ROBO2: variants seen among roughly 807,000 people sequenced by gnomAD.
ROBO2 encodes the protein roundabout homolog 2.
In ROBO2, 53 loss-of-function variants were observed where a neutral mutation model predicts 160.8. The ratio of observed to expected loss-of-function variants is 0.33; its 90% CI spans 0.26 to 0.41. The LOEUF (loss-of-function observed/expected upper bound fraction) is 0.41. Ranked by LOEUF, ROBO2 falls within the 10% of genes least tolerant of loss-of-function variation. The pLI is 1.00. For synonymous variants in ROBO2, 664 were observed against 611.7 expected (o/e 1.09, Z -1.26); for missense variants, 1,577 against 1,722.4 (o/e 0.92, Z 1.49).
chr3:75,930,011 AG>A (rs1221154292), intron 1 of ROBO2, among the ~76,000 whole-genome samples: 1 of 152,146 alleles, frequency 6.6e-6, no homozygotes, highest in Non-Finnish European at 1.5e-5. Context: ...CATTTATTTA[AG>A]GCTTTAGATC....
chr3:76,761,386 G>A (rs538951588), intron 2 of ROBO2, among the ~76,000 whole-genome samples: 3 of 151,732 alleles, frequency 2.0e-5, no homozygotes, highest in East Asian at 2.0e-4. Context: ...GTTTGCCTGC[G>A]AGAGTCCCAG....
chr3:77,026,592 T>C (rs2062979665), intron 2 of ROBO2, among the ~76,000 whole-genome samples: 1 of 152,210 alleles, frequency 6.6e-6, no homozygotes, highest in South Asian at 2.1e-4. Context: ...ACTCAATTAT[T>C]GATACGAGAG....
intron 2 of ROBO2, among the ~76,000 whole-genome samples, chr3:76,085,114 T>TACAC (rs1177327215): frequency 1.7e-3 from 213 of 129,060 alleles, no homozygotes; most frequent in African/African-American, 5.3e-3. Context: ...TATATATATA[T>TACAC]ATACACACAC....
chr3:76,101,313 T>C (rs1237678531), intron 2 of ROBO2, among the ~76,000 whole-genome samples: 1 of 152,152 alleles, frequency 6.6e-6, no homozygotes, highest in African/African-American at 2.4e-5. Context: ...CTTGCAACAC[T>C]ATACAGACAG....
intron 1 of ROBO2, among the ~76,000 whole-genome samples, chr3:77,054,388 C>T (rs770084037): frequency 7.9e-5 from 12 of 152,136 alleles, no homozygotes; most frequent in Admixed American, 5.9e-4. Flanking sequence ...ACCTATACAA[C>T]GTATGCCATC....
intron 2 of ROBO2, among the ~76,000 whole-genome samples, chr3:77,315,094 C>T (rs1285156364): frequency 6.6e-6 from 1 of 151,924 alleles, no homozygotes; most frequent in East Asian, 1.9e-4. Flanking sequence ...CCCTGAAGTG[C>T]CTTAATGTCT....
intron 2 of ROBO2, among the ~76,000 whole-genome samples, chr3:76,562,771 T>C (rs1202470522): frequency 1.3e-5 from 2 of 152,186 alleles, no homozygotes; most frequent in Admixed American, 6.5e-5. Flanking sequence ...GACTAAAATA[T>C]ATTCGTCTAA....
chr3:77,174,368 A>G (rs2079931078), intron 2 of ROBO2, among the ~76,000 whole-genome samples: 2 of 152,076 alleles, frequency 1.3e-5, no homozygotes, highest in African/African-American at 4.8e-5. Flanking sequence ...TTTTCTTTAT[A>G]CAATCTAGAA....
At chr3:76,966,595 G>A (rs929772766) in intron 2 of ROBO2, among the ~76,000 whole-genome samples, 11 of 152,174 alleles carry the variant, frequency 7.2e-5, no homozygotes, top group African/African-American at 1.9e-4. Flanking sequence ...AAGAAGGGGA[G>A]GAGATTGTGC....
chr3:76,107,605 T>A (rs1401594449), intron 2 of ROBO2, among the ~76,000 whole-genome samples: 1 of 151,966 alleles, frequency 6.6e-6, no homozygotes, highest in African/African-American at 2.4e-5. Context: ...ATGTATAGAG[T>A]TTGAGTTGTG....
intron 2 of ROBO2, among the ~76,000 whole-genome samples, chr3:77,141,539 C>G (rs565130478): frequency 1.3e-5 from 2 of 152,254 alleles, no homozygotes; most frequent in African/African-American, 2.4e-5. Flanking sequence ...CATCCTACCC[C>G]CTCTCAGTTA....
intron 2 of ROBO2, among the ~76,000 whole-genome samples, chr3:76,030,105 T>C (rs2066870378): frequency 6.6e-6 from 1 of 152,246 alleles, no homozygotes; most frequent in Non-Finnish European, 1.5e-5. Flanking sequence ...TTTGCATTTC[T>C]CTGATGACCA....
intron 2 of ROBO2, among the ~76,000 whole-genome samples, chr3:77,216,477 C>G (rs1030472817): frequency 3.3e-5 from 5 of 152,154 alleles, no homozygotes; most frequent in African/African-American, 1.2e-4. Context: ...CATCTGTCAC[C>G]CCTTTCTCTG....
At chr3:77,629,869 T>C (rs770228777) in intron 23 of ROBO2, 4 of 152,216 alleles carry the variant, frequency 2.6e-5, no homozygotes, top group Non-Finnish European at 5.9e-5. Flanking sequence ...TAATGTACAA[T>C]GTCACTGGAC....
chr3:76,277,161 C>CT (rs562036307), intron 2 of ROBO2, among the ~76,000 whole-genome samples: 1 of 151,636 alleles, frequency 6.6e-6, no homozygotes, highest in Admixed American at 6.6e-5. Flanking sequence ...ATAAGCAATT[C>CT]TTTTTTTTAC....
At chr3:76,109,045 G>A (rs1302643111) in intron 2 of ROBO2, among the ~76,000 whole-genome samples, 1 of 151,716 alleles carries the variant, frequency 6.6e-6, no homozygotes, top group Non-Finnish European at 1.5e-5. Flanking sequence ...TGAAGAAAAT[G>A]TTCTCTAAAA....
At chr3:76,714,791 A>G (rs1198309262) in intron 2 of ROBO2, among the ~76,000 whole-genome samples, 7 of 152,172 alleles carry the variant, frequency 4.6e-5, no homozygotes, top group Non-Finnish European at 1.0e-4. Flanking sequence ...AAATAATTCC[A>G]TTGTAACAGA....
At chr3:77,397,736 T>C (rs1421024797) in intron 2 of ROBO2, among the ~76,000 whole-genome samples, 1 of 152,168 alleles carries the variant, frequency 6.6e-6, no homozygotes, top group Non-Finnish European at 1.5e-5. Context: ...ATAAATTGCA[T>C]TTATCTTTTT....
At chr3:76,409,901 T>G (rs1265663331) in intron 2 of ROBO2, among the ~76,000 whole-genome samples, 1 of 152,118 alleles carries the variant, frequency 6.6e-6, no homozygotes, top group African/African-American at 2.4e-5. Context: ...ACAGATCTAT[T>G]TCTAGCAAAA....
Sources: allele counts gnomAD v4.1 joint callset (sites outside exome capture counted in the v4.1 genomes callset), GRCh38; gene constraint gnomAD v4.1.1; transcripts MANE v1.5; gene names NCBI Gene and HGNC (gene_info 2026-07-23, HGNC 2026-07-21).